Variants in MROH2A observed in about 807,000 individuals in gnomAD.
MROH2A encodes maestro heat like repeat family member 2A.
MROH2A carries 174 observed loss-of-function variants against 200.4 expected under a neutral mutation model. That is an observed-to-expected ratio of 0.87 (90% CI 0.77 to 0.98). The LOEUF (loss-of-function observed/expected upper bound fraction) is 0.98. Ranked by LOEUF, MROH2A falls within the 50% of genes least tolerant of loss-of-function variation. The pLI is 0.00. For synonymous variants in MROH2A, 829 were observed against 840.4 expected, an observed-to-expected ratio of 0.99 and a Z score of 0.23; for missense variants, 2,045 against 2,139.6, an observed-to-expected ratio of 0.96 and a Z score of 0.87.
At chr2:233,816,654 G>C (rs1575990294) in intron 26 of MROH2A, 127 bp from the exon 27 acceptor site, 1 of 621,306 alleles carries the variant, frequency 1.6e-6, no homozygotes, top group African/African-American at 1.8e-5. Context: ...GATGGGGCCT[G>C]TCTAGAACCA....
intron 24 of MROH2A, among the ~76,000 whole-genome samples, chr2:233,813,212 G>C (rs1222914279): frequency 6.6e-6 from 1 of 152,224 alleles, no homozygotes; most frequent in African/African-American, 2.4e-5. Context: ...CAGAATTTTT[G>C]ATTCAGCAGG....
chr2:233,796,015 A>G lies in MROH2A; in HGVS notation c.1108A>G (p.Met370Val), dbSNP rs1223466263. 4 of 1,550,442 alleles carry G rather than the reference A, an allele frequency of 2.6e-6. No homozygotes were observed. The highest frequency in any genetic ancestry group is 3.5e-6 in the Non-Finnish European group (4 of 1,146,960). ...GCATCAGTACAGCAGCCAGAATCTG[A>G]TGGAGATGGTGCACTGCTTCGTAGC... Reference protein sequence around the residue: ...AQHQYSSQNLMEMVHCFVALA... With the variant: ...AQHQYSSQNLVEMVHCFVALA... Residue 370 changes from methionine (M) to valine (V), a missense_variant, in exon 10 of 42, where the codon ATG becomes GTG. Met to Val is a conservative substitution (Grantham distance 21). This residue lies in a region of MROH2A where 831 missense variants were observed against 800.0 expected (regional missense o/e 1.04). Transcript: ENST00000389758.
rs28900438 is a variant in MROH2A, at chr2:233,803,460, C to A, written c.1721C>A (p.Ala574Glu). 6.4e-7 allele frequency: 1 copy of A among 1,550,526 alleles called. No individual in the cohort carries two copies. Among genetic ancestry groups the A allele is most frequent in the Non-Finnish European group, 8.7e-7 (1 of 1,146,968 alleles). Residue 574 changes from alanine to glutamate, a missense_variant, in exon 16 of 42, where the codon GCA becomes GAA. This residue lies in a region of MROH2A where 831 missense variants were observed against 800.0 expected (regional missense o/e 1.04). Coordinates refer to ENST00000389758, the MANE Select transcript of MROH2A (RefSeq NM_001394639.1). Reference sequence around the variant, plus strand: ...TTCCTTCAATCAGTGGACCTGCCTGCACCTCAGAAGCTGCTGGCCCGTCTC... The same window carrying A: ...TTCCTTCAATCAGTGGACCTGCCTGAACCTCAGAAGCTGCTGGCCCGTCTC... Reference protein sequence around the residue: ...AGKSRQVDLPAPQKLLARLLV... With the variant: ...AGKSRQVDLPEPQKLLARLLV...
At chr2:233,795,597 A>AGTTT in intron 8 of MROH2A, 56 bp from the exon 9 acceptor site, 1 of 1,550,506 alleles carries the variant, frequency 6.4e-7, no homozygotes, top group Non-Finnish European at 8.7e-7. Context: ...GAGGGTCTAG[A>AGTTT]GTTTGACCTT....
rs1702993226 is a variant in MROH2A at position 233,809,178 on chromosome 2, A to G, written c.2348A>G (p.Tyr783Cys). 2 of 1,550,508 alleles carry G rather than the reference A, an allele frequency of 1.3e-6. No homozygotes were observed. The highest frequency in any genetic ancestry group is 1.7e-6 in the Non-Finnish European group (2 of 1,146,966). ...ETVKSALMVM[Y>C]SCVASYCHPQ... ...GTGAAAAGTGCCCTCATGGTGATGTATAGCTGCGTGGCCTCCTACTGCCAC... is the reference window on the plus strand; with the variant it reads ...GTGAAAAGTGCCCTCATGGTGATGTGTAGCTGCGTGGCCTCCTACTGCCAC... The change falls in exon 22 of 42, where the codon TAT (tyrosine) becomes TGT (cysteine). Residue 783 changes from tyrosine to cysteine, a missense_variant. By Grantham distance (194) the Tyr-to-Cys change is radical (BLOSUM62 -2). Coordinates refer to ENST00000389758, the MANE Select transcript of MROH2A (RefSeq NM_001394639.1).
At chr2:233,801,568 G>T (rs1702473329) in intron 14 of MROH2A, among the ~76,000 whole-genome samples, 1 of 152,196 alleles carries the variant, frequency 6.6e-6, no homozygotes, top group African/African-American at 2.4e-5. Flanking sequence ...ACTAGCAGGG[G>T]CGGATGCTGC....
chr2:233,791,175 T>TAGGA (rs1481485581), intron 5 of MROH2A, among the ~76,000 whole-genome samples: 1 of 152,148 alleles, frequency 6.6e-6, no homozygotes, highest in Non-Finnish European at 1.5e-5. Context: ...CCTCGGGCAC[T>TAGGA]AGGAAGCTAT....
intron 35 of MROH2A, among the ~76,000 whole-genome samples, chr2:233,824,029 C>A (rs926688924): frequency 1.3e-5 from 2 of 152,086 alleles, no homozygotes; most frequent in Non-Finnish European, 2.9e-5. Flanking sequence ...GCCCAGCGAC[C>A]CTATCTCAGA....
intron 35 of MROH2A, among the ~76,000 whole-genome samples, chr2:233,825,300 G>C (rs751289255): frequency 2.6e-5 from 4 of 152,150 alleles, no homozygotes; most frequent in East Asian, 1.9e-4. Flanking sequence ...CTTCCTATTT[G>C]AATACGCTTT....
In MROH2A at chr2:233,829,674, G is replaced by A. The variant is rs1305460581; in HGVS notation, c.4501G>A (p.Val1501Met). 6.0e-6 allele frequency: 9 copies of A among 1,492,766 alleles called. 1 individual carries two copies. The highest frequency in any genetic ancestry group is 2.7e-6 in the Non-Finnish European group (3 of 1,118,802). 92.5% of individuals were successfully genotyped at this position (1,492,766 alleles called of 1,614,324 possible). ...CATCCTCTTTGGAAAGCTGGCAAGG[G>A]TGGTCGGGATGTCCAAGAAGCATTT... ...AFILFGKLAR[V>M]VGMSKKHFFK... is the part of the protein sequence containing the mutation. Residue 1501 changes from valine (V) to methionine (M), a missense_variant, in exon 38 of 42, where the codon GTG (valine) becomes ATG (methionine). Physicochemically the swap from Val to Met is conservative, Grantham distance 21 (BLOSUM62 1). Coordinates refer to ENST00000389758, the MANE Select transcript of MROH2A (RefSeq NM_001394639.1).
chr2:233,803,944 A>G (rs1702633496), intron 16 of MROH2A, 107 bp from the exon 17 acceptor site: 1 of 1,396,482 alleles, frequency 7.2e-7, no homozygotes, highest in Admixed American at 2.4e-5. Context: ...CTATTTGAAA[A>G]CCACCGATCT....
chr2:233,806,457 C>A (rs1702797234), intron 19 of MROH2A, among the ~76,000 whole-genome samples: 1 of 151,678 alleles, frequency 6.6e-6, no homozygotes, highest in Non-Finnish European at 1.5e-5. Flanking sequence ...AAAATTCTTA[C>A]AAATAACAAA....
chr2:233,799,815 G>A lies in MROH2A; in HGVS notation c.1365G>A (p.Leu455=). 1.3e-6 allele frequency: 2 copies of A among 1,550,518 alleles called. No individual in the cohort carries two copies. Among genetic ancestry groups the A allele is most frequent in the Non-Finnish European group, 1.7e-6 (2 of 1,146,974 alleles). The change falls in exon 13 of 42, where the codon TTG becomes TTA. Residue 455 remains leucine, a synonymous_variant. Transcript: ENST00000389758. ...CTATTCTCCACATCATTGGGCAGTTGGCTCTCTGTGGCTACCAGGAGAGAA... is the reference window on the plus strand; with the variant it reads ...CTATTCTCCACATCATTGGGCAGTTAGCTCTCTGTGGCTACCAGGAGAGAA... ...RMAILHIIGQ[L]ALCGYQERIK...
Position 233,832,215 on chromosome 2 carries a change from A to G in MROH2A, c.4773A>G (p.Leu1591=). 2 of 1,550,714 alleles carry G rather than the reference A, an allele frequency of 1.3e-6. No homozygotes were observed. Among genetic ancestry groups the G allele is most frequent in the Non-Finnish European group, 1.7e-6 (2 of 1,147,036 alleles). The part of the protein sequence containing the change: ...KKPAVLYRFL[L]ETMAYVKNNL... The stretch of plus-strand genomic sequence containing the variant: ...CGGCTGTTCTCTACCGCTTCTTGCT[A>G]GAAACAATGGCCTATGTTAAAAATA... The change falls in exon 40 of 42, where the codon CTA becomes CTG. Residue 1591 remains leucine (L), a synonymous_variant. Coordinates refer to ENST00000389758, the MANE Select transcript of MROH2A (RefSeq NM_001394639.1).
rs1702847677 is a variant in MROH2A, at chr2:233,807,155, T to TA, written c.2053-267dup. Reference sequence around the variant, plus strand: ...TGGCTGAGTAGTATTCCATTATATATATATATAATATGAACTGATATATGT... The same window carrying TA: ...TGGCTGAGTAGTATTCCATTATATATAATATATAATATGAACTGATATATGT... On this transcript the variant is annotated intron_variant, in intron 19 of 41. Transcript: ENST00000389758. This position sits in a 1 kb window ranked among gnomAD's most constrained non-coding sequence, Gnocchi z 4.3. 6.6e-6 allele frequency among the ~76,000 whole-genome samples: 1 copy of TA among 151,710 alleles called. No homozygotes were observed. The highest frequency in any genetic ancestry group is 1.9e-4 in the East Asian group (1 of 5,176).
intron 3 of MROH2A, among the ~76,000 whole-genome samples, chr2:233,785,482 A>AT (rs1452459219): frequency 6.6e-6 from 1 of 151,628 alleles, no homozygotes; most frequent in Admixed American, 6.6e-5. Flanking sequence ...AAAAAAAAAA[A>AT]AAAGGAGAAA....
At chr2:233,803,644 C>G (rs2126131664) in intron 16 of MROH2A, among the ~76,000 whole-genome samples, 156 bp downstream of exon 16, 1 of 152,326 alleles carries the variant, frequency 6.6e-6, no homozygotes, top group East Asian at 1.9e-4. Flanking sequence ...TTCCATGTCC[C>G]TGAAATTCCT....
chr2:233,777,917 A>G (rs184403029), upstream of MROH2A, among the ~76,000 whole-genome samples: 118 of 152,200 alleles, frequency 7.8e-4, 1 homozygote, highest in African/African-American at 2.7e-3. Context: ...TCTTGTAAGT[A>G]TTGTGCTAGT....
chr2:233,825,757 G>A (rs886731268), intron 35 of MROH2A, among the ~76,000 whole-genome samples: 2 of 152,016 alleles, frequency 1.3e-5, no homozygotes, highest in African/African-American at 4.8e-5. Flanking sequence ...TGTTCATCAG[G>A]GATATTGGCC....
Sources: gnomAD v4.1 joint callset for allele counts (sites outside exome capture counted in the v4.1 genomes callset) on GRCh38, gnomAD v4.1.1 for gene constraint, gnomAD v4.1.1 regional missense constraint, Gnocchi (gnomAD v3.1) non-coding constraint, MANE v1.5 for transcripts, NCBI Gene and HGNC (gene_info 2026-07-23, HGNC 2026-07-21) for gene names.